NALCN: variants seen among roughly 807,000 people sequenced by gnomAD.
NALCN encodes sodium leak channel NALCN.
Under a neutral mutation model 225.3 loss-of-function variants are expected in NALCN, and 111 were observed. The ratio of observed to expected loss-of-function variants is 0.49; its 90% CI spans 0.42 to 0.58. The LOEUF is 0.58. Ranked by LOEUF, NALCN falls within the 20% of genes least tolerant of loss-of-function variation. The probability of loss-of-function intolerance (pLI) is 0.00; values close to 1 mark genes in which losing one functional copy is unlikely to be tolerated. For synonymous variants in NALCN, 764 were observed against 769.0 expected, an observed-to-expected ratio of 0.99 and a Z score of 0.11; for missense variants, 1,378 against 2,202.4, an observed-to-expected ratio of 0.63 and a Z score of 7.49.
rs1156857049 is a variant in NALCN, at chr13:101,111,148, C to T, written c.2271G>A (p.Gln757=). The T allele has an allele frequency of 6.2e-6, 10 of 1,608,452 alleles. No homozygotes were observed. The African/African-American group carries it at 6.7e-5, about 11-fold the overall frequency. The change falls in exon 19 of 44, where the codon CAG becomes CAA. Residue 757 remains glutamine (Q), a synonymous_variant. Coordinates refer to ENST00000251127, the MANE Select transcript of NALCN (RefSeq NM_052867.4). ...ACCTGCGCTCTTGGCGGATATGATG[C>T]TGCACGCTGAGGATTGACCTCTCCT... The part of the protein sequence containing the change: ...PAKERSILSV[Q]HHIRQERRSL...
At chr13:101,299,500 A>G (rs1280779557) in intron 7 of NALCN, among the ~76,000 whole-genome samples, 1 of 152,088 alleles carries the variant, frequency 6.6e-6, no homozygotes, top group Non-Finnish European at 1.5e-5. Context: ...AAGATGAGAC[A>G]TTCAGTATAT....
intron 16 of NALCN, 28 bp from the exon 17 acceptor site, chr13:101,143,249 G>C: frequency 1.3e-6 from 2 of 1,569,862 alleles, no homozygotes; most frequent in Non-Finnish European, 1.7e-6. Context: ...ATGTGCATCA[G>C]GCATTATTAG....
intron 7 of NALCN, among the ~76,000 whole-genome samples, chr13:101,316,064 T>C (rs2044543398): frequency 6.6e-6 from 1 of 152,184 alleles, no homozygotes; most frequent in Non-Finnish European, 1.5e-5. Flanking sequence ...GTGACAGTTG[T>C]AGCTCTGTCA....
At chr13:101,180,920 G>A (rs919567025) in intron 14 of NALCN, 30 of 399,608 alleles carry the variant, frequency 7.5e-5, no homozygotes, top group Admixed American at 1.9e-4. Context: ...AAGCAGAAAC[G>A]TGAAAGAAAA....
At chr13:101,162,697 G>A (rs556561411) in intron 15 of NALCN, among the ~76,000 whole-genome samples, 47 of 152,212 alleles carry the variant, frequency 3.1e-4, no homozygotes, top group Non-Finnish European at 5.7e-4. Context: ...AAAAAGTGCT[G>A]CGAGGTTGCT....
At chr13:101,117,388 G>A (rs1002867930) in intron 18 of NALCN, among the ~76,000 whole-genome samples, 9 of 152,136 alleles carry the variant, frequency 5.9e-5, no homozygotes, top group Admixed American at 3.9e-4. Flanking sequence ...TACTGACTCC[G>A]AAACATGCAA....
intron 30 of NALCN, among the ~76,000 whole-genome samples, chr13:101,087,589 TTTC>T (rs1250665991): frequency 2.0e-5 from 3 of 152,242 alleles, no homozygotes; most frequent in African/African-American, 7.2e-5. Context: ...GGTAATATAA[TTTC>T]TTGTCAATTT....
At position 101,327,725 on chromosome 13, in the gene NALCN, C is replaced by T. The variant is rs117212596; in HGVS notation, c.799+17541G>A. On this transcript the variant is annotated intron_variant, in intron 7 of 43. Coordinates refer to ENST00000251127, the MANE Select transcript of NALCN (RefSeq NM_052867.4). ...ACTGGATTTGTGAGAAATGGATTCT[C>T]ACAAATCTAGACAAAATTAGAGATG... Among the ~76,000 whole-genome samples the T allele has an allele frequency of 9.4e-3, 1,425 of 152,080 alleles. 29 individuals are homozygous for T. The highest frequency in any genetic ancestry group is 9.4e-3 in the Non-Finnish European group (641 of 67,980).
rs957738007 is a variant in NALCN, at chr13:101,104,523, G to A, written c.2757+7C>T. The A allele has an allele frequency of 6.2e-7, 1 of 1,613,970 alleles. No homozygotes were observed. The highest frequency in any genetic ancestry group is 1.7e-5 in the Admixed American group (1 of 60,008). On this transcript the variant is annotated splice_region_variant and intron_variant, in intron 24 of 43. Coordinates refer to ENST00000251127, the MANE Select transcript of NALCN (RefSeq NM_052867.4). This position sits in a 1 kb window ranked among gnomAD's most constrained non-coding sequence, Gnocchi z 4.2. ...GTAAGCTGAGATTTTGCAGCGGTAAGCGGTACCTGCAAAGTAGGTGCATGC... is the reference window on the plus strand; with the variant it reads ...GTAAGCTGAGATTTTGCAGCGGTAAACGGTACCTGCAAAGTAGGTGCATGC...
At chr13:101,328,155 C>A (rs1414284877) in intron 7 of NALCN, among the ~76,000 whole-genome samples, 1 of 152,284 alleles carries the variant, frequency 6.6e-6, no homozygotes, top group Non-Finnish European at 1.5e-5. Flanking sequence ...CAGGACATAG[C>A]GTCTCAGCTT....
chr13:101,080,594 T>TA (rs1401600963), intron 34 of NALCN, among the ~76,000 whole-genome samples: 2 of 136,954 alleles, frequency 1.5e-5, no homozygotes, highest in Admixed American at 7.4e-5. Flanking sequence ...ATTAAATAAT[T>TA]ATTAAATTAA....
chr13:101,360,054 T>C (rs1007589392), intron 6 of NALCN, among the ~76,000 whole-genome samples: 1 of 146,406 alleles, frequency 6.8e-6, no homozygotes, highest in African/African-American at 2.6e-5. Context: ...TTTTTCTTTT[T>C]CTCTTTCTTT....
chr13:101,291,266 A>G (rs1223315914), intron 9 of NALCN, among the ~76,000 whole-genome samples: 1 of 152,246 alleles, frequency 6.6e-6, no homozygotes, highest in Non-Finnish European at 1.5e-5. Context: ...ATTTTCCATT[A>G]CAAAATTCTA....
intron 28 of NALCN, among the ~76,000 whole-genome samples, chr13:101,091,314 C>T (rs1566802842): frequency 1.3e-5 from 2 of 152,036 alleles, no homozygotes; most frequent in South Asian, 4.1e-4. Flanking sequence ...AAAATTTAAC[C>T]CTCAGGACAG....
chr13:101,248,927 T>A (rs562189707), intron 11 of NALCN, among the ~76,000 whole-genome samples: 112 of 152,210 alleles, frequency 7.4e-4, no homozygotes, highest in Non-Finnish European at 1.2e-3. Flanking sequence ...ATGTCATATG[T>A]CATATCAACC....
chr13:101,165,808 A>T (rs775306997), intron 15 of NALCN, among the ~76,000 whole-genome samples: 3 of 152,212 alleles, frequency 2.0e-5, no homozygotes, highest in Non-Finnish European at 4.4e-5. Flanking sequence ...ACAGTTCAGC[A>T]GTGTTAAACA....
At chr13:101,135,151 T>C (rs942459013) in intron 17 of NALCN, among the ~76,000 whole-genome samples, 2 of 152,202 alleles carry the variant, frequency 1.3e-5, no homozygotes, top group Admixed American at 6.5e-5. Context: ...GCCGAGATCG[T>C]GCCGCTGCAC....
At chr13:101,279,836 A>AAATAAATAAATAAATAAAT (rs547147370) in intron 10 of NALCN, among the ~76,000 whole-genome samples, 1 of 134,048 alleles carries the variant, frequency 7.5e-6, no homozygotes, top group Non-Finnish European at 1.6e-5. Flanking sequence ...ATAAATAAAT[A>AAATAAATAAATAAATAAAT]AAATAAATAA....
chr13:101,380,967 T>C (rs1365331954), intron 3 of NALCN, among the ~76,000 whole-genome samples: 1 of 151,704 alleles, frequency 6.6e-6, no homozygotes, highest in African/African-American at 2.4e-5. Context: ...AGCTAGTATA[T>C]AAAGCAAAAT....
Sources: allele counts gnomAD v4.1 joint callset (sites outside exome capture counted in the v4.1 genomes callset), GRCh38; gene constraint gnomAD v4.1.1; non-coding constraint Gnocchi (gnomAD v3.1); transcripts MANE v1.5; gene names NCBI Gene and HGNC (gene_info 2026-07-23, HGNC 2026-07-21).